NPC1: variants seen among roughly 807,000 people sequenced by gnomAD.
NPC1 encodes Niemann-Pick C1 protein.
In NPC1, 85 loss-of-function variants were observed where a neutral mutation model predicts 140.4. The ratio of observed to expected loss-of-function variants is 0.61; its 90% CI spans 0.51 to 0.72. The LOEUF (loss-of-function observed/expected upper bound fraction) is 0.72, where lower values mean the gene tolerates loss of function less well. Ranked by LOEUF, NPC1 falls within the 30% of genes least tolerant of loss-of-function variation. The probability of loss-of-function intolerance (pLI) is 0.00; values close to 1 mark genes in which losing one functional copy is unlikely to be tolerated. For missense variants in NPC1, 1,504 were observed against 1,623.8 expected (o/e 0.93, Z 1.27); for synonymous variants, 656 against 624.8 (o/e 1.05, Z -0.74).
intron 7 of NPC1, 108 bp downstream of exon 7, chr18:23,557,009 G>T: frequency 1.1e-6 from 1 of 929,820 alleles, no homozygotes; most frequent in Non-Finnish European, 1.7e-6. Flanking sequence ...CGTGTCCTCG[G>T]CACTGGCACA....
At chr18:23,509,140 T>A (rs1323889380) in intron 3 of NPC1, 1 of 615,820 alleles carries the variant, frequency 1.6e-6, no homozygotes, top group Non-Finnish European at 2.5e-6. Flanking sequence ...TTGAAGAGAG[T>A]TATATGTGTT....
At chr18:23,585,051 ATAAATAAATT>A in intron 1 of NPC1, among the ~76,000 whole-genome samples, 1 of 152,316 alleles carries the variant, frequency 6.6e-6, no homozygotes, top group South Asian at 2.1e-4. Context: ...TGTCTCTAAA[ATAAATAAATT>A]TTAAAAATAA....
chr18:23,560,484 C>A lies in NPC1; in HGVS notation c.632-4G>T, dbSNP rs757177354. The A allele has an allele frequency of 6.2e-7, 1 of 1,613,954 alleles. No individual in the cohort carries two copies. Among genetic ancestry groups the A allele is most frequent in the East Asian group, 2.2e-5 (1 of 44,886 alleles). On this transcript the variant is annotated splice_polypyrimidine_tract_variant and splice_region_variant and intron_variant, in intron 5 of 24. Coordinates refer to ENST00000269228, the MANE Select transcript of NPC1 (RefSeq NM_000271.5). ...TCCATCCCATGGACTGGAAAATCTA[C>A]AGAAAGGAATTGTGTTGAGTACAAA...
At chr18:23,530,668 G>T, downstream of NPC1, 1 of 1,533,474 alleles carries the variant, frequency 6.5e-7, no homozygotes, top group Non-Finnish European at 8.9e-7. Flanking sequence ...GTAGCAGAGG[G>T]CACTGGCAGC....
At chr18:23,541,021 ATC>A (rs2058705405) in intron 16 of NPC1, 45 bp downstream of exon 16, 12 of 1,604,748 alleles carry the variant, frequency 7.5e-6, no homozygotes, top group Non-Finnish European at 9.4e-6. Context: ...GCATGTGATA[ATC>A]TGTTTCAGTG....
At chr18:23,538,249 C>T (rs114799021) in intron 20 of NPC1, among the ~76,000 whole-genome samples, 1 of 152,356 alleles carries the variant, frequency 6.6e-6, no homozygotes, top group African/African-American at 2.4e-5. Context: ...TCCTCTCCCT[C>T]AGCCCCGCTT....
chr18:23,563,577 A>G (rs1412795554), intron 4 of NPC1, among the ~76,000 whole-genome samples: 1 of 152,158 alleles, frequency 6.6e-6, no homozygotes, highest in East Asian at 1.9e-4. Flanking sequence ...GTGCACCACC[A>G]TACCCAGCTA....
rs2145446691 is a variant in NPC1, at chr18:23,554,751, C to T, written c.1553+7G>A. ...GTGTCTACCAATGATTGTCTCTTGC[C>T]ACTTACCGTACGCAGTACAGAAAGT... On this transcript the variant is annotated splice_region_variant and intron_variant, in intron 9 of 24. Coordinates refer to ENST00000269228, the MANE Select transcript of NPC1 (RefSeq NM_000271.5). 2.5e-6 allele frequency: 4 copies of T among 1,609,634 alleles called. No individual in the cohort carries two copies. Among genetic ancestry groups the T allele is most frequent in the Non-Finnish European group, 3.4e-6 (4 of 1,176,110 alleles).
At position 23,546,585 on chromosome 18, in the gene NPC1, T is replaced by C. The variant is rs992670568; in HGVS notation, c.1757+1421A>G. Among the ~76,000 whole-genome samples, 109 of 152,332 alleles carry C rather than the reference T, an allele frequency of 7.2e-4. 2 individuals carry two copies. The highest frequency in any genetic ancestry group is 2.2e-3 in the African/African-American group (92 of 41,576). On this transcript the variant is annotated intron_variant, in intron 11 of 24. Transcript: ENST00000269228. Reference sequence around the variant, plus strand: ...TACTCAAGTGTTCATAGCAGCATTATTCATAATAGCCAAAATGGAAACAGC... The same window carrying C: ...TACTCAAGTGTTCATAGCAGCATTACTCATAATAGCCAAAATGGAAACAGC...
intron 2 of NPC1, 104 bp downstream of exon 2, chr18:23,573,348 T>TA: frequency 6.7e-7 from 1 of 1,482,432 alleles, no homozygotes; most frequent in Non-Finnish European, 9.4e-7. Flanking sequence ...TTAAGCCTGT[T>TA]AGTCTCATCT....
At chr18:23,581,418 C>T (rs2059353958) in intron 1 of NPC1, among the ~76,000 whole-genome samples, 1 of 152,190 alleles carries the variant, frequency 6.6e-6, no homozygotes, top group Non-Finnish European at 1.5e-5. Flanking sequence ...AACTAGGGCA[C>T]AGAAGTCAGA....
intron 1 of NPC1, 121 bp from the exon 2 acceptor site, chr18:23,573,695 G>A (rs572943614): frequency 5.3e-4 from 598 of 1,135,648 alleles, no homozygotes; most frequent in Non-Finnish European, 6.8e-4. Flanking sequence ...TTAAGTAACA[G>A]CAACAGGCAC....
At chr18:23,530,495 G>A (rs1375779638), downstream of NPC1, 3 of 1,614,122 alleles carry the variant, frequency 1.9e-6, no homozygotes, top group Non-Finnish European at 2.5e-6. Context: ...CAACATTTCT[G>A]CACGAAAATT....
At chr18:23,506,677 C>G (rs570559123) in intron 3 of NPC1, 1 of 279,794 alleles carries the variant, frequency 3.6e-6, no homozygotes, top group Non-Finnish European at 6.8e-6. Context: ...GGAGAAGGCT[C>G]CTGAGCGGGT....
downstream of NPC1, chr18:23,529,579 T>G: frequency 6.8e-7 from 1 of 1,468,928 alleles, no homozygotes; most frequent in Non-Finnish European, 9.5e-7. Context: ...GAGAGTTATA[T>G]GCAGCCTCTT....
chr18:23,585,015 C>T (rs778303324), intron 1 of NPC1, among the ~76,000 whole-genome samples: 8 of 152,078 alleles, frequency 5.3e-5, no homozygotes, highest in Non-Finnish European at 1.0e-4. Context: ...ACACTGCCCC[C>T]ACGCCTGGGC....
chr18:23,544,873 G>T, intron 12 of NPC1, 87 bp downstream of exon 12: 1 of 965,890 alleles, frequency 1.0e-6, no homozygotes, highest in Non-Finnish European at 1.6e-6. Flanking sequence ...TAAACATAAT[G>T]GAATAAGAAT....
At chr18:23,521,308 C>T (rs147963011), downstream of NPC1, among the ~76,000 whole-genome samples, 8 of 152,282 alleles carry the variant, frequency 5.3e-5, no homozygotes, top group East Asian at 1.9e-4. Flanking sequence ...TTTGATTAGC[C>T]GTTGATGGTG....
rs2059233999 is a variant in NPC1 at position 23,573,590 on chromosome 18, A to G, written c.58-16T>C. ...GTGAAAACACCTACAGAAAGTCAAC[A>G]CAAACTTCAGTGTTACCAGGGTCTC... On this transcript the variant is annotated splice_polypyrimidine_tract_variant and intron_variant, in intron 1 of 24. Transcript: ENST00000269228. 2.5e-6 allele frequency: 4 copies of G among 1,614,022 alleles called. No homozygotes were observed. In the South Asian group the frequency reaches 3.3e-5, roughly 13 times the overall value.
Sources: allele counts gnomAD v4.1 joint callset (sites outside exome capture counted in the v4.1 genomes callset), GRCh38; gene constraint gnomAD v4.1.1; transcripts MANE v1.5; gene names NCBI Gene and HGNC (gene_info 2026-07-23, HGNC 2026-07-21).